The following SH3GL3 variants were observed in gnomAD, a reference collection of about 807,000 sequenced individuals.
SH3GL3 encodes the protein SH3 domain containing GRB2 like 3, endophilin A3.
A neutral mutation model predicts 47.7 loss-of-function variants in SH3GL3; 33 were observed. The ratio of observed to expected loss-of-function variants is 0.69; its 90% CI spans 0.52 to 0.92. The LOEUF (loss-of-function observed/expected upper bound fraction) is 0.92, where lower values mean the gene tolerates loss of function less well. Ranked by LOEUF, SH3GL3 falls within the 40% of genes least tolerant of loss-of-function variation. The probability of loss-of-function intolerance (pLI) is 0.00; values close to 1 mark genes in which losing one functional copy is unlikely to be tolerated. For synonymous variants in SH3GL3, 155 were observed against 148.8 expected, an observed-to-expected ratio of 1.04 and a Z score of -0.30; for missense variants, 363 against 417.8, an observed-to-expected ratio of 0.87 and a Z score of 1.14.
Position 83,601,301 on chromosome 15 carries a change from T to A in SH3GL3, c.838+12530T>A, listed in dbSNP as rs1006297768. Reference sequence around the variant, plus strand: ...GTTCTCAGCGGAAATGCTTTCAACTTTTGTCGATTCAGTATTATGTTGGCT... The same window carrying A: ...GTTCTCAGCGGAAATGCTTTCAACTATTGTCGATTCAGTATTATGTTGGCT... On this transcript the variant is annotated intron_variant, in intron 8 of 8. Coordinates refer to ENST00000427482, the MANE Select transcript of SH3GL3 (RefSeq NM_003027.5). 3.3e-5 allele frequency among the ~76,000 whole-genome samples: 5 copies of A among 152,186 alleles called. No individual in the cohort carries two copies. In the South Asian group the frequency reaches 1.0e-3, roughly 32 times the overall value.
chr15:83,464,377 T>C (rs997254103), intron 1 of SH3GL3, among the ~76,000 whole-genome samples: 3 of 152,268 alleles, frequency 2.0e-5, no homozygotes, highest in Admixed American at 1.3e-4. Context: ...TTTTCTAACT[T>C]TGCATGCTCC....
intron 1 of SH3GL3, chr15:83,490,949 T>C: frequency 6.2e-7 from 1 of 1,612,834 alleles, no homozygotes; most frequent in Non-Finnish European, 8.5e-7. Flanking sequence ...GGAAGAACAG[T>C]AAACTTGGAA....
At chr15:83,592,366 C>G (rs1182938642) in intron 8 of SH3GL3, among the ~76,000 whole-genome samples, 2 of 151,880 alleles carry the variant, frequency 1.3e-5, no homozygotes, top group Non-Finnish European at 2.9e-5. Flanking sequence ...TTTCCCTGCT[C>G]TTATTTTAAA....
At position 83,566,363 on chromosome 15, in the gene SH3GL3, A is replaced by AGTGTGTGTGTGTGT. The variant is rs1420988424; in HGVS notation, c.187+1158_187+1159insTGTGTGTGTGTGTG. Among the ~76,000 whole-genome samples, 12 of 128,324 alleles carry AGTGTGTGTGTGTGT rather than the reference A, an allele frequency of 9.4e-5. No individual in the cohort carries two copies. The South Asian group carries it at 1.7e-3, about 18-fold the overall frequency. The allele number at this position is 128,324 out of a possible 152,430, so 84.2% of individuals were successfully genotyped here. A position where few individuals can be genotyped will look rare whatever the true frequency, so the allele number is the denominator to read the frequency against. ...AAGATGGGCAGAGAGAGAGAGAGAG[A>AGTGTGTGTGTGTGT]GAGTGTGTGTGTGTGTGTGTGTGTG... On this transcript the variant is annotated intron_variant, in intron 3 of 8. Coordinates refer to ENST00000427482, the MANE Select transcript of SH3GL3 (RefSeq NM_003027.5).
In SH3GL3 at chr15:83,467,985, G is replaced by A. The variant is rs570882322; in HGVS notation, c.45+20407G>A. On this transcript the variant is annotated intron_variant, in intron 1 of 8. Transcript: ENST00000427482. Reference sequence around the variant, plus strand: ...TGGGACTACAGGTGCCCGCCACCACGCCCAGCTAATTTTCTGTTATATTTT... The same window carrying A: ...TGGGACTACAGGTGCCCGCCACCACACCCAGCTAATTTTCTGTTATATTTT... 1.1e-4 allele frequency among the ~76,000 whole-genome samples: 17 copies of A among 152,054 alleles called. No individual in the cohort carries two copies. The East Asian group carries it at 1.2e-3, about 10-fold the overall frequency.
chr15:83,577,787 G>A (rs1218440005), intron 6 of SH3GL3, among the ~76,000 whole-genome samples: 2 of 152,196 alleles, frequency 1.3e-5, no homozygotes, highest in Non-Finnish European at 2.9e-5. Context: ...GCTTTTGTAT[G>A]TGAGGCCATA....
chr15:83,495,987 G>T (rs564563844), intron 1 of SH3GL3, among the ~76,000 whole-genome samples: 2 of 152,020 alleles, frequency 1.3e-5, no homozygotes, highest in Admixed American at 6.6e-5. Flanking sequence ...AAAAAGGAGC[G>T]GGGAGGAGAA....
intron 3 of SH3GL3, among the ~76,000 whole-genome samples, chr15:83,567,741 T>C (rs1349382660): frequency 1.3e-5 from 2 of 152,142 alleles, no homozygotes; most frequent in East Asian, 3.9e-4. Context: ...TGGTGTGTGT[T>C]AATGACCAGT....
At chr15:83,469,763 C>T (rs1205619382) in intron 1 of SH3GL3, among the ~76,000 whole-genome samples, 3 of 152,142 alleles carry the variant, frequency 2.0e-5, no homozygotes, top group Non-Finnish European at 4.4e-5. Flanking sequence ...TCTGTGGGTA[C>T]ATTAAAACGA....
chr15:83,594,953 G>C (rs2730096), intron 8 of SH3GL3, among the ~76,000 whole-genome samples: 137,524 of 152,258 alleles, frequency 0.9, 62,329 homozygotes, highest in Admixed American at 0.92. Context: ...CAATTTCTCA[G>C]ACAACTTAAA....
In SH3GL3 at chr15:83,607,076, A is replaced by G. The variant is rs115369832; in HGVS notation, c.839-11006A>G. 5.8e-4 allele frequency among the ~76,000 whole-genome samples: 88 copies of G among 152,292 alleles called. 1 individual carries two copies. Among genetic ancestry groups the G allele is most frequent in the African/African-American group, 2.0e-3 (85 of 41,570 alleles). ...CTGCAGGGAATGGTTTTCTGTAATT[A>G]TTCTGAACAGTCTGTAAAAAGAGTT... On this transcript the variant is annotated intron_variant, in intron 8 of 8. Transcript: ENST00000427482.
intron 8 of SH3GL3, among the ~76,000 whole-genome samples, chr15:83,617,545 G>A (rs574481219): frequency 8.4e-4 from 128 of 152,266 alleles, no homozygotes; most frequent in African/African-American, 2.9e-3. Context: ...GCGTGGTGGC[G>A]CATGCCTGTA....
chr15:83,605,246 G>T (rs895641659), intron 8 of SH3GL3, among the ~76,000 whole-genome samples: 1 of 152,104 alleles, frequency 6.6e-6, no homozygotes, highest in African/African-American at 2.4e-5. Context: ...AGTTTCCCTC[G>T]GTAGTAGCTT....
chr15:83,583,578 G>A (rs1428147688), intron 6 of SH3GL3, among the ~76,000 whole-genome samples: 1 of 152,066 alleles, frequency 6.6e-6, no homozygotes, highest in Non-Finnish European at 1.5e-5. Context: ...TTGTAGTTGG[G>A]GACATCTATT....
At position 83,523,363 on chromosome 15, in the gene SH3GL3, G is replaced by A. The variant is rs575493019; in HGVS notation, c.46-35890G>A. Among the ~76,000 whole-genome samples, 109 of 152,300 alleles carry A rather than the reference G, an allele frequency of 7.2e-4. 1 individual carries two copies. Among genetic ancestry groups the A allele is most frequent in the African/African-American group, 2.5e-3 (106 of 41,570 alleles). Reference sequence around the variant, plus strand: ...GAGTTTGGAAGGGCAGAGTTCTGTGGGAGAGTTTGCCTAGGAAGTGGTGCG... The same window carrying A: ...GAGTTTGGAAGGGCAGAGTTCTGTGAGAGAGTTTGCCTAGGAAGTGGTGCG... On this transcript the variant is annotated intron_variant, in intron 1 of 8. Transcript: ENST00000427482.
intron 8 of SH3GL3, among the ~76,000 whole-genome samples, chr15:83,601,962 A>G (rs1172517046): frequency 2.6e-5 from 4 of 151,552 alleles, no homozygotes; most frequent in Non-Finnish European, 4.4e-5. Context: ...AAAAAAAAAA[A>G]CAAAACATAA....
chr15:83,625,823 G>A, the SH3GL3 span, among the ~76,000 whole-genome samples: 1 of 151,728 alleles, frequency 6.6e-6, no homozygotes, highest in Non-Finnish European at 1.5e-5. Context: ...TTTTGTTGTT[G>A]TTGTTGTTGT....
At chr15:83,605,348 G>C (rs1353517362) in intron 8 of SH3GL3, among the ~76,000 whole-genome samples, 1 of 152,128 alleles carries the variant, frequency 6.6e-6, no homozygotes, top group Non-Finnish European at 1.5e-5. Context: ...GTTTGTTTCT[G>C]AGGCACAGTT....
intron 1 of SH3GL3, among the ~76,000 whole-genome samples, chr15:83,513,509 A>G (rs2042858045): frequency 1.3e-5 from 2 of 152,086 alleles, no homozygotes; most frequent in Admixed American, 1.3e-4. Context: ...TTCATCTGGG[A>G]AAACCCTTGA....
Sources: gnomAD v4.1 joint callset for allele counts (sites outside exome capture counted in the v4.1 genomes callset) on GRCh38, gnomAD v4.1.1 for gene constraint, MANE v1.5 for transcripts, NCBI Gene and HGNC (gene_info 2026-07-23, HGNC 2026-07-21) for gene names.